The following RYK variants were observed in gnomAD, a reference collection of about 807,000 sequenced individuals.
RYK encodes receptor like tyrosine kinase, also known as inactive tyrosine-protein kinase RYK.
RYK carries 21 observed loss-of-function variants against 70.2 expected under a neutral mutation model. The observed-to-expected ratio is 0.30, with a 90% CI of 0.21 to 0.43. The LOEUF (loss-of-function observed/expected upper bound fraction) is 0.43. Ranked by LOEUF, RYK falls within the 20% of genes least tolerant of loss-of-function variation. RYK has a pLI of 1.00. For synonymous variants in RYK, 267 were observed against 278.0 expected (o/e 0.96, Z 0.39); for missense variants, 604 against 753.3 (o/e 0.80, Z 2.32).
chr3:134,195,109 T>C lies in RYK; in HGVS notation c.862A>G (p.Thr288Ala), dbSNP rs2013771075. ...GTGATAGGAGTTGCATTGTTGGGCG[T>C]GTCTGCTCTCAGATACTGAGTCGTC... ...TQTTQYLRAD[T>A]PNNATPITSY... Residue 288 changes from threonine (T) to alanine (A), a missense_variant, in exon 7 of 15, where the codon ACG (threonine) becomes GCG (alanine). Physicochemically the swap from Thr to Ala is moderately conservative, Grantham distance 58. Coordinates refer to ENST00000623711, the MANE Select transcript of RYK (RefSeq NM_002958.4). 6.2e-7 allele frequency: 1 copy of C among 1,613,456 alleles called. No individual in the cohort carries two copies. The highest frequency in any genetic ancestry group is 1.1e-5 in the South Asian group (1 of 91,032).
intron 7 of RYK, among the ~76,000 whole-genome samples, chr3:134,193,465 G>A (rs2013715450): frequency 6.6e-6 from 1 of 152,228 alleles, no homozygotes; most frequent in African/African-American, 2.4e-5. Context: ...TTACTGGCAA[G>A]AGCCACCACA....
chr3:134,179,977 T>A (rs1417443869), intron 10 of RYK: 3 of 152,106 alleles, frequency 2.0e-5, no homozygotes, highest in African/African-American at 7.2e-5. Flanking sequence ...ATTCTGCCCA[T>A]CTTGTAATGA....
chr3:134,233,812 G>A (rs2015130243), intron 1 of RYK, among the ~76,000 whole-genome samples: 1 of 152,158 alleles, frequency 6.6e-6, no homozygotes, highest in African/African-American at 2.4e-5. Context: ...TATAAATACT[G>A]TAGTAAAATG....
At position 134,175,749 on chromosome 3, in the gene RYK, C is replaced by T. The variant is rs2013079138; in HGVS notation, c.1435G>A (p.Val479Ile). 1.2e-6 allele frequency: 2 copies of T among 1,613,924 alleles called. No individual in the cohort carries two copies. The highest frequency in any genetic ancestry group is 1.7e-6 in the Non-Finnish European group (2 of 1,179,846). Reference protein sequence around the residue: ...RNCVIDDTLQVKITDNALSRD... With the variant: ...RNCVIDDTLQIKITDNALSRD... ...GAGAGGGCATTGTCTGTGATCTTAA[C>T]TTGAAGTGTGTCATCAATGCTGAAA... Residue 479 changes from valine to isoleucine, a missense_variant, in exon 13 of 15, where the codon GTT (valine) becomes ATT (isoleucine). This residue lies in a region of RYK where 138 missense variants were observed against 217.4 expected (regional missense o/e 0.63). Coordinates refer to ENST00000623711, the MANE Select transcript of RYK (RefSeq NM_002958.4).
At chr3:134,204,203 A>G (rs554245364) in intron 5 of RYK, among the ~76,000 whole-genome samples, 101 of 152,264 alleles carry the variant, frequency 6.6e-4, no homozygotes, top group Non-Finnish European at 1.0e-3. Flanking sequence ...TTATTTTAAA[A>G]AGAGAGGCAA....
intron 1 of RYK, among the ~76,000 whole-genome samples, chr3:134,224,600 C>A (rs141966287): frequency 1.3e-5 from 2 of 152,152 alleles, no homozygotes; most frequent in Non-Finnish European, 2.9e-5. Context: ...CTAACTCCCC[C>A]GGGGAAAGGG....
intron 9 of RYK, among the ~76,000 whole-genome samples, chr3:134,186,226 C>T (rs746270498): frequency 6.6e-6 from 1 of 152,142 alleles, no homozygotes; most frequent in African/African-American, 2.4e-5. Context: ...GTGTAAGATT[C>T]GGGTTGCTAA....
intron 10 of RYK, chr3:134,179,651 C>T (rs1272020401): frequency 6.6e-6 from 1 of 152,166 alleles, no homozygotes; most frequent in African/African-American, 2.4e-5. Context: ...TCCAGAGGAG[C>T]AAGGGAGATC....
At chr3:134,160,714 G>A (rs1463931039) in intron 13 of RYK, among the ~76,000 whole-genome samples, 1 of 152,122 alleles carries the variant, frequency 6.6e-6, no homozygotes, top group Non-Finnish European at 1.5e-5. Flanking sequence ...AATTATCTGG[G>A]CATGGTGGCG....
chr3:134,214,606 C>A (rs1190506415), intron 2 of RYK, among the ~76,000 whole-genome samples: 2 of 152,236 alleles, frequency 1.3e-5, no homozygotes, highest in Non-Finnish European at 2.9e-5. Flanking sequence ...ACTCCTGCTG[C>A]TCAGCACTGC....
intron 2 of RYK, among the ~76,000 whole-genome samples, chr3:134,217,569 GAC>G (rs1489463914): frequency 2.0e-5 from 3 of 152,190 alleles, no homozygotes; most frequent in African/African-American, 7.2e-5. Context: ...TGTATCAAGT[GAC>G]AGAGATCCTT....
chr3:134,205,708 C>T (rs2014193579), intron 5 of RYK, among the ~76,000 whole-genome samples: 1 of 152,232 alleles, frequency 6.6e-6, no homozygotes, highest in African/African-American at 2.4e-5. Flanking sequence ...CTCAGAAGAG[C>T]TGTCACTGTT....
intron 10 of RYK, 50 bp from the exon 11 acceptor site, chr3:134,178,123 A>C: frequency 7.7e-7 from 1 of 1,298,696 alleles, no homozygotes; most frequent in South Asian, 1.4e-5. Context: ...CCAAAATGTT[A>C]GGGGCTTACT....
chr3:134,204,880 T>A (rs1445423299), intron 5 of RYK, among the ~76,000 whole-genome samples: 1 of 152,078 alleles, frequency 6.6e-6, no homozygotes, highest in African/African-American at 2.4e-5. Context: ...GACTGCATGA[T>A]GTGTGAAGAA....
At position 134,250,372 on chromosome 3, in the gene RYK, C is replaced by T. The variant is rs531325496; in HGVS notation, c.232+51G>A. The T allele has an allele frequency of 1.8e-4, 219 of 1,208,952 alleles. 1 individual carries two copies. The African/African-American group carries it at 3.2e-3, about 18-fold the overall frequency. The allele number at this position is 1,208,952 out of a possible 1,614,324, so 74.9% of individuals were successfully genotyped here. On this transcript the variant is annotated intron_variant, in intron 1 of 14. Transcript: ENST00000623711. ...AGACTGATCCGCCGGCGGCCGGAAG[C>T]TGCCCCAGCCGGCCCGACCTGCCCG...
At chr3:134,167,265 A>G (rs182365108) in intron 13 of RYK, among the ~76,000 whole-genome samples, 11 of 152,234 alleles carry the variant, frequency 7.2e-5, no homozygotes, top group Admixed American at 6.5e-4. Context: ...ATATGGAACC[A>G]AAAAAAGAGC....
At chr3:134,240,039 G>A (rs759594565) in intron 1 of RYK, among the ~76,000 whole-genome samples, 9 of 152,188 alleles carry the variant, frequency 5.9e-5, no homozygotes, top group Non-Finnish European at 1.3e-4. Context: ...GATCCAGGTC[G>A]TAGGCAAGAA....
chr3:134,215,727 AG>A lies in RYK; in HGVS notation c.355-4121del, dbSNP rs2014530053. Among the ~76,000 whole-genome samples, 3 of 152,304 alleles carry A rather than the reference AG, an allele frequency of 2.0e-5. No individual in the cohort carries two copies. The South Asian group carries it at 6.2e-4, about 32-fold the overall frequency. ...CAGTTGTTTATCAGAATGTAGAGTG[AG>A]CCAAAATACTTCAGAAAAGAAACTA... On this transcript the variant is annotated intron_variant, in intron 2 of 14. Transcript: ENST00000623711.
At chr3:134,209,855 T>C (rs1371426933) in intron 3 of RYK, 26 bp from the exon 4 acceptor site, 5 of 1,423,098 alleles carry the variant, frequency 3.5e-6, no homozygotes, top group Non-Finnish European at 4.6e-6. Context: ...AAGAAAAATA[T>C]TTTACATTTT....
Sources: gnomAD v4.1 joint callset for allele counts (sites outside exome capture counted in the v4.1 genomes callset) on GRCh38, gnomAD v4.1.1 for gene constraint, gnomAD v4.1.1 regional missense constraint, MANE v1.5 for transcripts, NCBI Gene and HGNC (gene_info 2026-07-23, HGNC 2026-07-21) for gene names.